PTPRT: variants seen among roughly 807,000 people sequenced by gnomAD.
PTPRT encodes the protein receptor-type tyrosine-protein phosphatase T.
A neutral mutation model predicts 176.8 loss-of-function variants in PTPRT; 56 were observed. That is an observed-to-expected ratio of 0.32 (90% CI 0.26 to 0.40). The LOEUF is 0.40. Among genes scored for constraint, PTPRT ranks in the 10% least tolerant of loss-of-function variants. The probability of loss-of-function intolerance (pLI) is 1.00; values close to 1 mark genes in which losing one functional copy is unlikely to be tolerated. For synonymous variants in PTPRT, 783 were observed against 739.0 expected (o/e 1.06, Z -0.96); for missense variants, 1,540 against 1,908.2 (o/e 0.81, Z 3.60).
intron 7 of PTPRT, among the ~76,000 whole-genome samples, chr20:42,629,762 C>T (rs565612946): frequency 6.6e-6 from 1 of 152,312 alleles, no homozygotes; most frequent in Non-Finnish European, 1.5e-5. Context: ...AGATCAAATC[C>T]AGAACCAGGC....
chr20:42,268,490 C>T (rs894507179), intron 13 of PTPRT, among the ~76,000 whole-genome samples: 7 of 152,114 alleles, frequency 4.6e-5, no homozygotes, highest in Admixed American at 2.6e-4. Flanking sequence ...TGCACAGTGA[C>T]GAGAGTCACT....
chr20:42,551,751 G>A (rs2145616794), intron 7 of PTPRT, among the ~76,000 whole-genome samples: 1 of 152,218 alleles, frequency 6.6e-6, no homozygotes, highest in East Asian at 1.9e-4. Context: ...GACTAGCCCT[G>A]CCTTCTGGAA....
intron 7 of PTPRT, among the ~76,000 whole-genome samples, chr20:42,560,593 C>T (rs188219839): frequency 1.1e-3 from 172 of 152,224 alleles, no homozygotes; most frequent in Non-Finnish European, 3.7e-4. Flanking sequence ...TATAGACGGC[C>T]CTTTCATTTA....
chr20:43,106,732 G>A (rs1194460187), intron 1 of PTPRT, among the ~76,000 whole-genome samples: 2 of 150,652 alleles, frequency 1.3e-5, no homozygotes, highest in Non-Finnish European at 3.0e-5. Flanking sequence ...AGGGAGGGAG[G>A]GGAGACAGAC....
intron 1 of PTPRT, among the ~76,000 whole-genome samples, chr20:43,054,630 G>C (rs1028619107): frequency 5.3e-5 from 8 of 150,576 alleles, no homozygotes; most frequent in African/African-American, 1.9e-4. Context: ...GAGCTTTTAG[G>C]CTTTTTCCTT....
intron 1 of PTPRT, among the ~76,000 whole-genome samples, chr20:42,922,045 T>C (rs1979179401): frequency 6.6e-6 from 1 of 152,106 alleles, no homozygotes; most frequent in South Asian, 2.1e-4. Context: ...AAGCAATTCT[T>C]CTGTCTCTGC....
chr20:42,482,787 CTTT>C (rs965347696), intron 7 of PTPRT, among the ~76,000 whole-genome samples: 11 of 152,130 alleles, frequency 7.2e-5, no homozygotes, highest in African/African-American at 2.7e-4. Context: ...GAAGTTTTTA[CTTT>C]TTTTCCCACG....
intron 6 of PTPRT, among the ~76,000 whole-genome samples, chr20:42,727,810 C>T (rs897224920): frequency 1.9e-4 from 29 of 152,158 alleles, no homozygotes; most frequent in Non-Finnish European, 3.2e-4. Flanking sequence ...TAATGGTCTC[C>T]AGGTACAAGT....
chr20:42,051,170 G>A, the PTPRT span, among the ~76,000 whole-genome samples: 6 of 152,214 alleles, frequency 3.9e-5, no homozygotes, highest in Non-Finnish European at 7.3e-5. Context: ...ACTCACTTTG[G>A]CCAGAGGACC....
At chr20:43,048,491 CA>C (rs1029747522) in intron 1 of PTPRT, among the ~76,000 whole-genome samples, 1 of 152,080 alleles carries the variant, frequency 6.6e-6, no homozygotes, top group African/African-American at 2.4e-5. Flanking sequence ...GAGAGAGGTT[CA>C]GGGGGCCCAC....
chr20:42,298,651 G>A (rs967942684), intron 12 of PTPRT, among the ~76,000 whole-genome samples: 5 of 152,260 alleles, frequency 3.3e-5, no homozygotes, highest in African/African-American at 4.8e-5. Context: ...TGCCGGGCGC[G>A]GTGGCTCACG....
At chr20:42,998,344 A>G (rs1568725269) in intron 1 of PTPRT, among the ~76,000 whole-genome samples, 1 of 152,190 alleles carries the variant, frequency 6.6e-6, no homozygotes, top group African/African-American at 2.4e-5. Context: ...ACCTTTCTTA[A>G]TATGATTCTG....
chr20:42,225,280 T>C (rs1600699605), intron 15 of PTPRT, among the ~76,000 whole-genome samples: 1 of 152,122 alleles, frequency 6.6e-6, no homozygotes. Context: ...CTCCCTCCAA[T>C]ATATCAAACC....
intron 7 of PTPRT, among the ~76,000 whole-genome samples, chr20:42,604,051 C>G (rs946147499): frequency 6.6e-6 from 1 of 152,212 alleles, no homozygotes; most frequent in African/African-American, 2.4e-5. Flanking sequence ...AGTAAGATCA[C>G]TGACAAATAC....
chr20:42,086,753 A>AAAATAT (rs1983991312), intron 27 of PTPRT, among the ~76,000 whole-genome samples: 1 of 95,548 alleles, frequency 1.0e-5, no homozygotes, highest in Non-Finnish European at 2.0e-5. Context: ...AAAAAAAAAA[A>AAAATAT]ATATATATAT....
intron 7 of PTPRT, among the ~76,000 whole-genome samples, chr20:42,594,802 C>T (rs1180809603): frequency 6.6e-6 from 1 of 152,210 alleles, no homozygotes; most frequent in Non-Finnish European, 1.5e-5. Context: ...CCTCCTGCAG[C>T]TGACCTCCTC....
Position 42,959,476 on chromosome 20 carries a change from A to C in PTPRT, c.89-73544T>G, listed in dbSNP as rs182330432. On this transcript the variant is annotated intron_variant, in intron 1 of 30. Transcript: ENST00000373187. ...ACCCGTACTTCGGATGCATCATCTC[A>C]TTTAATTCACAGAAAAGCCCTTGAA... Among the ~76,000 whole-genome samples, 103 of 152,310 alleles carry C rather than the reference A, an allele frequency of 6.8e-4. 1 individual carries two copies. Among genetic ancestry groups the C allele is most frequent in the Admixed American group, 4.6e-3 (71 of 15,302 alleles).
intron 7 of PTPRT, among the ~76,000 whole-genome samples, chr20:42,629,879 A>G (rs995908668): frequency 2.6e-5 from 4 of 152,184 alleles, no homozygotes; most frequent in African/African-American, 9.7e-5. Flanking sequence ...CAATGGGGGG[A>G]AAAATGATAC....
rs1381163938 is a variant in PTPRT, at chr20:42,352,414, G to C, written c.1561-129C>G. On this transcript the variant is annotated intron_variant, in intron 9 of 30. Transcript: ENST00000373187. ...CATGTGAACTTGGCCAGCAGATTCT[G>C]CTAAGCTGCCTGTTGCTGTCCACTT... 4 of 833,148 alleles carry C rather than the reference G, an allele frequency of 4.8e-6. 1 individual carries two copies. In the South Asian group the frequency reaches 6.7e-5, roughly 14 times the overall value. The allele number at this position is 833,148 out of a possible 1,614,324, so 51.6% of individuals were successfully genotyped here.
Sources: allele counts gnomAD v4.1 joint callset (sites outside exome capture counted in the v4.1 genomes callset), GRCh38; gene constraint gnomAD v4.1.1; transcripts MANE v1.5; gene names NCBI Gene and HGNC (gene_info 2026-07-23, HGNC 2026-07-21).